Variants in C8orf34 observed in about 807,000 individuals in gnomAD.
C8orf34 encodes chromosome 8 open reading frame 34.
A neutral mutation model predicts 68.3 loss-of-function variants in C8orf34; 65 were observed. The observed-to-expected ratio is 0.95, with a 90% CI of 0.78 to 1.17. C8orf34 has a LOEUF of 1.17. C8orf34 is among the 50% of genes most tolerant of loss of function. C8orf34 has a pLI of 0.00. For missense variants in C8orf34, 664 were observed against 655.4 expected (o/e 1.01, Z -0.14); for synonymous variants, 244 against 241.2 (o/e 1.01, Z -0.11).
At chr8:68,694,862 C>G (rs1167105220) in intron 8 of C8orf34, among the ~76,000 whole-genome samples, 1 of 151,784 alleles carries the variant, frequency 6.6e-6, no homozygotes, top group Non-Finnish European at 1.5e-5. Context: ...GAGCATAAGC[C>G]CTAGCAAACA....
intron 10 of C8orf34, among the ~76,000 whole-genome samples, chr8:68,760,022 G>A (rs994810955): frequency 1.3e-5 from 2 of 152,210 alleles, no homozygotes; most frequent in African/African-American, 4.8e-5. Flanking sequence ...AAGTATGCAT[G>A]GCATGCCTAG....
intron 7 of C8orf34, among the ~76,000 whole-genome samples, chr8:68,540,588 A>G (rs1435437069): frequency 6.6e-6 from 1 of 151,994 alleles, no homozygotes; most frequent in Non-Finnish European, 1.5e-5. Context: ...CACTCCAGTA[A>G]TCCCAGCACT....
At chr8:68,625,624 G>A (rs1203127331) in intron 7 of C8orf34, 1 of 701,796 alleles carries the variant, frequency 1.4e-6, no homozygotes, top group African/African-American at 1.7e-5. Context: ...AACATCCTGT[G>A]GCATGTGGCT....
chr8:68,413,075 G>A (rs193233161), intron 1 of C8orf34, among the ~76,000 whole-genome samples: 307 of 152,254 alleles, frequency 2.0e-3, no homozygotes, highest in South Asian at 5.2e-3. Flanking sequence ...CGGTTGGGAG[G>A]AAAATACACT....
rs141084477 is a variant in C8orf34, at chr8:68,461,202, C to T, written c.608-7490C>T. Among the ~76,000 whole-genome samples, 507 of 151,774 alleles carry T rather than the reference C, an allele frequency of 3.3e-3. 2 individuals carry two copies. Among genetic ancestry groups the T allele is most frequent in the African/African-American group, 0.011 (459 of 41,344 alleles). On this transcript the variant is annotated intron_variant, in intron 3 of 13. Coordinates refer to ENST00000518698, the MANE Select transcript of C8orf34 (RefSeq NM_052958.4). The stretch of plus-strand genomic sequence containing the variant: ...AAGAAAGCGTATCAGTGATGGAAGA[C>T]GAAATGAATGAAATGAAGTGAGAAG...
chr8:68,580,268 A>G (rs1349625988), intron 7 of C8orf34, among the ~76,000 whole-genome samples: 1 of 152,108 alleles, frequency 6.6e-6, no homozygotes, highest in African/African-American at 2.4e-5. Flanking sequence ...TCTTTTAAAT[A>G]TATAAAAAGA....
At chr8:68,481,125 G>A (rs1036844016) in intron 4 of C8orf34, among the ~76,000 whole-genome samples, 6 of 150,930 alleles carry the variant, frequency 4.0e-5, no homozygotes, top group African/African-American at 1.5e-4. Context: ...TGTGCACGGG[G>A]TGCCCTGTGT....
At chr8:68,565,443 A>T (rs1193497410) in intron 7 of C8orf34, among the ~76,000 whole-genome samples, 1 of 152,178 alleles carries the variant, frequency 6.6e-6, no homozygotes, top group Admixed American at 6.5e-5. Context: ...GTCTCTGAGG[A>T]TATGCAAAGC....
rs764917193 is a variant in C8orf34 at position 68,439,582 on chromosome 8, C to G, written c.411C>G (p.Asn137Lys). 4.3e-6 allele frequency: 7 copies of G among 1,613,596 alleles called. No homozygotes were observed. In the East Asian group the frequency reaches 1.6e-4, roughly 36 times the overall value. Residue 137 changes from asparagine to lysine, a missense_variant, in exon 2 of 14, where the codon AAC becomes AAG. Physicochemically the swap from Asn to Lys is moderately conservative, Grantham distance 94. Coordinates refer to ENST00000518698, the MANE Select transcript of C8orf34 (RefSeq NM_052958.4). ...LIDHLQSKQG[N>K]RGQLQRTLSG... is the part of the protein sequence containing the mutation. ...ACCATCTTCAGTCTAAACAAGGGAA[C>G]CGTGGACAACTTCAAAGAACTTTGT...
chr8:68,388,268 C>A (rs1260127577), intron 1 of C8orf34, among the ~76,000 whole-genome samples: 1 of 152,098 alleles, frequency 6.6e-6, no homozygotes, highest in Non-Finnish European at 1.5e-5. Context: ...TTGTATTTGG[C>A]AAACTCAGTC....
chr8:68,418,832 A>G (rs1485037742), intron 1 of C8orf34, among the ~76,000 whole-genome samples: 2 of 152,084 alleles, frequency 1.3e-5, no homozygotes, highest in African/African-American at 2.4e-5. Flanking sequence ...AAATCAGTTC[A>G]AGATGGATTA....
chr8:68,362,306 T>C (rs1807036175), intron 1 of C8orf34, among the ~76,000 whole-genome samples: 1 of 152,174 alleles, frequency 6.6e-6, no homozygotes, highest in Non-Finnish European at 1.5e-5. Context: ...TTATACACAT[T>C]CTCAATTTGA....
At chr8:68,647,001 A>G (rs961733650) in intron 8 of C8orf34, among the ~76,000 whole-genome samples, 2 of 152,198 alleles carry the variant, frequency 1.3e-5, no homozygotes, top group African/African-American at 4.8e-5. Flanking sequence ...CACTGAATAG[A>G]GCCAACCCAC....
At chr8:68,717,443 A>G (rs1366116882) in intron 9 of C8orf34, among the ~76,000 whole-genome samples, 1 of 151,220 alleles carries the variant, frequency 6.6e-6, no homozygotes, top group Non-Finnish European at 1.5e-5. Context: ...CAGTGAGCCA[A>G]TTTCGTGCCA....
intron 7 of C8orf34, among the ~76,000 whole-genome samples, chr8:68,602,115 C>T (rs1817715783): frequency 6.6e-6 from 1 of 152,132 alleles, no homozygotes; most frequent in African/African-American, 2.4e-5. Context: ...GCCTTGTTGC[C>T]ACACGATGGG....
At chr8:68,526,664 C>T (rs1450835618) in intron 6 of C8orf34, among the ~76,000 whole-genome samples, 1 of 143,068 alleles carries the variant, frequency 7.0e-6, no homozygotes, top group African/African-American at 2.6e-5. Context: ...GCAAAGGGCA[C>T]CCTTTAATTA....
intron 10 of C8orf34, among the ~76,000 whole-genome samples, chr8:68,751,155 G>T (rs570447710): frequency 6.6e-6 from 1 of 152,112 alleles, no homozygotes; most frequent in Non-Finnish European, 1.5e-5. Flanking sequence ...GGAAATTCAC[G>T]TTGTGTTTAA....
chr8:68,483,983 G>A (rs1025181117), intron 4 of C8orf34, among the ~76,000 whole-genome samples: 6 of 152,184 alleles, frequency 3.9e-5, no homozygotes, highest in Non-Finnish European at 8.8e-5. Context: ...GCATTGCTGT[G>A]AAGAAATACC....
chr8:68,533,261 A>T, intron 7 of C8orf34, 112 bp downstream of exon 7: 1 of 1,420,024 alleles, frequency 7.0e-7, no homozygotes, highest in Non-Finnish European at 9.2e-7. Flanking sequence ...GGGAAAAGAA[A>T]CCATTTAGTA....
Sources: gnomAD v4.1 joint callset for allele counts (sites outside exome capture counted in the v4.1 genomes callset) on GRCh38, gnomAD v4.1.1 for gene constraint, MANE v1.5 for transcripts, NCBI Gene and HGNC (gene_info 2026-07-23, HGNC 2026-07-21) for gene names.